Variants in CACNA1B observed in about 807,000 individuals in gnomAD.
CACNA1B encodes the protein calcium voltage-gated channel subunit alpha1 B.
A neutral mutation model predicts 247.2 loss-of-function variants in CACNA1B; 70 were observed. The ratio of observed to expected loss-of-function variants is 0.28; its 90% CI spans 0.23 to 0.35. CACNA1B has a LOEUF of 0.35. CACNA1B is among the 10% of genes least tolerant of loss of function. The pLI is 1.00. For missense variants in CACNA1B, 2,367 were observed against 3,197.4 expected (o/e 0.74, Z 6.26); for synonymous variants, 1,231 against 1,294.4 (o/e 0.95, Z 1.05).
chr9:137,994,246 G>C (rs1958469770), intron 15 of CACNA1B, among the ~76,000 whole-genome samples: 1 of 152,114 alleles, frequency 6.6e-6, no homozygotes, highest in Admixed American at 6.6e-5. Context: ...ACATAATACT[G>C]AACCAGTAAA....
intron 26 of CACNA1B, among the ~76,000 whole-genome samples, chr9:138,055,205 C>T (rs948292052): frequency 1.3e-5 from 2 of 151,186 alleles, no homozygotes; most frequent in African/African-American, 2.4e-5. Context: ...CAGCTTAATG[C>T]AGCCTCGAAC....
At chr9:138,119,199 C>G (rs1216807492) in intron 44 of CACNA1B, among the ~76,000 whole-genome samples, 6 of 152,148 alleles carry the variant, frequency 3.9e-5, no homozygotes, top group Admixed American at 3.3e-4. Flanking sequence ...GGAGGACCCT[C>G]CCTGCTCATG....
In CACNA1B at chr9:137,963,166, A is replaced by G. The variant is rs183426658; in HGVS notation, c.1333+5479A>G. On this transcript the variant is annotated intron_variant, in intron 10 of 46. Coordinates refer to ENST00000371372, the MANE Select transcript of CACNA1B (RefSeq NM_000718.4). ...TCATCATCTTTTTTGATCTTTGGTG[A>G]TTTAACGTCTGTTTTGTCAGAAACT... Among the ~76,000 whole-genome samples, 4 of 152,096 alleles carry G rather than the reference A, an allele frequency of 2.6e-5. No homozygotes were observed. The South Asian group carries it at 6.3e-4, about 24-fold the overall frequency.
intron 36 of CACNA1B, among the ~76,000 whole-genome samples, chr9:138,082,450 A>G (rs1186863104): frequency 6.6e-6 from 1 of 151,368 alleles, no homozygotes; most frequent in Non-Finnish European, 1.5e-5. Flanking sequence ...AGTGAGGTAC[A>G]GAAACAGTTG....
At chr9:138,060,866 G>GT (rs1346845219) in intron 31 of CACNA1B, among the ~76,000 whole-genome samples, 1 of 152,078 alleles carries the variant, frequency 6.6e-6, no homozygotes, top group Non-Finnish European at 1.5e-5. Context: ...TCATCATCCC[G>GT]TTCCCCCCAC....
chr9:138,040,670 G>A lies in CACNA1B; in HGVS notation c.3287-3104G>A, dbSNP rs775586233. ...AGCACGGGAGAAAGATATAGGCTGG[G>A]AGGTGAGGCCCGTTGTCTCCTTTTC... On this transcript the variant is annotated intron_variant, in intron 20 of 46. Coordinates refer to ENST00000371372, the MANE Select transcript of CACNA1B (RefSeq NM_000718.4). The A allele has an allele frequency of 1.9e-5, 5 of 267,482 alleles. No individual in the cohort carries two copies. In the Admixed American group the frequency reaches 1.9e-4, roughly 10 times the overall value. The allele number at this position is 267,482 out of a possible 1,614,324, so 16.6% of individuals were successfully genotyped here.
chr9:137,997,219 G>A (rs1323062705), intron 15 of CACNA1B, among the ~76,000 whole-genome samples: 3 of 152,174 alleles, frequency 2.0e-5, no homozygotes, highest in Non-Finnish European at 4.4e-5. Flanking sequence ...CTCTGTGTAT[G>A]CTTCAAATGT....
rs114920637 is a variant in CACNA1B at position 138,022,370 on chromosome 9, G to T, written c.2268-641G>T. Among the ~76,000 whole-genome samples the T allele has an allele frequency of 2.0e-5, 3 of 152,042 alleles. No homozygotes were observed. In the East Asian group the frequency reaches 5.8e-4, roughly 29 times the overall value. Reference sequence around the variant, plus strand: ...CTGACCACCTCGGGGACTGGCAGAGGCTCTGCGTTTGCTCCTGAAAGGGCC... The same window carrying T: ...CTGACCACCTCGGGGACTGGCAGAGTCTCTGCGTTTGCTCCTGAAAGGGCC... On this transcript the variant is annotated intron_variant, in intron 18 of 46. Transcript: ENST00000371372.
chr9:137,941,902 G>A (rs553969329), intron 6 of CACNA1B, among the ~76,000 whole-genome samples: 4 of 152,058 alleles, frequency 2.6e-5, no homozygotes, highest in Admixed American at 6.6e-5. Context: ...AAAAACCCTT[G>A]TAGACATTGG....
chr9:137,894,666 C>T (rs1227953954), intron 3 of CACNA1B, among the ~76,000 whole-genome samples: 1 of 152,154 alleles, frequency 6.6e-6, no homozygotes, highest in African/African-American at 2.4e-5. Flanking sequence ...CCTCGGCCTC[C>T]CAAAGTGCTG....
At chr9:137,992,122 A>T (rs1833092811) in intron 15 of CACNA1B, among the ~76,000 whole-genome samples, 1 of 152,232 alleles carries the variant, frequency 6.6e-6, no homozygotes, top group Non-Finnish European at 1.5e-5. Context: ...AATGACCTAA[A>T]TGCTCCACTT....
At position 138,052,314 on chromosome 9, in the gene CACNA1B, G is replaced by T; in HGVS notation, c.3807+126G>T. On this transcript the variant is annotated intron_variant, in intron 25 of 46. Coordinates refer to ENST00000371372, the MANE Select transcript of CACNA1B (RefSeq NM_000718.4). This position sits in a 1 kb window ranked among gnomAD's most constrained non-coding sequence, Gnocchi z 5.1. ...GTGTTCACATCACACCCCTGTGTGAGGGGGTTGGGCTCACTCAGCTGTAAG... is the reference window on the plus strand; with the variant it reads ...GTGTTCACATCACACCCCTGTGTGATGGGGTTGGGCTCACTCAGCTGTAAG... The T allele has an allele frequency of 1.6e-6, 1 of 623,334 alleles. No homozygotes were observed. The highest frequency in any genetic ancestry group is 1.8e-5 in the South Asian group (1 of 54,976). The allele number at this position is 623,334 out of a possible 1,614,324, so 38.6% of individuals were successfully genotyped here. A position where few individuals can be genotyped will look rare whatever the true frequency, so the allele number is the denominator to read the frequency against.
At position 138,010,193 on chromosome 9, in the gene CACNA1B, C is replaced by A; in HGVS notation, c.2160+116C>A. 1 of 759,764 alleles carries A rather than the reference C, an allele frequency of 1.3e-6. No homozygotes were observed. Among genetic ancestry groups the A allele is most frequent in the Non-Finnish European group, 2.3e-6 (1 of 443,538 alleles). The allele number at this position is 759,764 out of a possible 1,614,324, so 47.1% of individuals were successfully genotyped here. A position where few individuals can be genotyped will look rare whatever the true frequency, so the allele number is the denominator to read the frequency against. On this transcript the variant is annotated intron_variant, in intron 17 of 46. Transcript: ENST00000371372. The surrounding 1 kb of genome is among the most constrained non-coding windows in gnomAD (Gnocchi z 5.3). ...GTGTCCAGGAGCGTTGCCTTGGGTC[C>A]TGGCGGGCAGAGGCTGGTCTGTCAC...
rs1959213397 is a variant in CACNA1B, at chr9:138,049,479, C to T, written c.3710+164C>T. Among the ~76,000 whole-genome samples the T allele has an allele frequency of 2.0e-5, 3 of 152,078 alleles. No homozygotes were observed. The South Asian group carries it at 6.2e-4, about 32-fold the overall frequency. On this transcript the variant is annotated intron_variant, in intron 24 of 46. Coordinates refer to ENST00000371372, the MANE Select transcript of CACNA1B (RefSeq NM_000718.4). ...TCCCTGCCTGCTTGGGGCGGGGCTG[C>T]GTGGGGTTAGGAGGGCATGAGGTCT...
At chr9:137,983,346 G>C (rs774045395) in intron 12 of CACNA1B, among the ~76,000 whole-genome samples, 6 of 152,104 alleles carry the variant, frequency 3.9e-5, no homozygotes, top group Non-Finnish European at 8.8e-5. Context: ...ATTCAGTTTG[G>C]GGCCCCTTGC....
At chr9:138,071,595 G>T (rs1277356082) in intron 32 of CACNA1B, among the ~76,000 whole-genome samples, 1 of 152,182 alleles carries the variant, frequency 6.6e-6, no homozygotes. Flanking sequence ...CAGGAGCCCC[G>T]AGAGAAGCCA....
Position 137,954,494 on chromosome 9 carries a change from G to A in CACNA1B, c.1071-1204G>A. On this transcript the variant is annotated intron_variant, in intron 7 of 46. Transcript: ENST00000371372. This position sits in a 1 kb window ranked among gnomAD's most constrained non-coding sequence, Gnocchi z 4.1. ...GAGAAGCAGCTGCTCTGTGGAGGGG[G>A]CCAGACTGCTGGGGGGAGTTGCTGC... 6.6e-6 allele frequency among the ~76,000 whole-genome samples: 1 copy of A among 152,192 alleles called. No homozygotes were observed. Among genetic ancestry groups the A allele is most frequent in the East Asian group, 1.9e-4 (1 of 5,184 alleles).
chr9:138,107,069 C>A (rs1961452532), intron 39 of CACNA1B, among the ~76,000 whole-genome samples: 1 of 152,052 alleles, frequency 6.6e-6, no homozygotes, highest in African/African-American at 2.4e-5. Flanking sequence ...ATGGAATGTT[C>A]TCTCTACACT....
chr9:138,076,468 G>A (rs575308329), intron 35 of CACNA1B, among the ~76,000 whole-genome samples: 9 of 152,288 alleles, frequency 5.9e-5, no homozygotes, highest in South Asian at 2.1e-4. Flanking sequence ...GGGAGCTGCC[G>A]TTCCCTGGGC....
Sources: allele counts gnomAD v4.1 joint callset (sites outside exome capture counted in the v4.1 genomes callset), GRCh38; gene constraint gnomAD v4.1.1; non-coding constraint Gnocchi (gnomAD v3.1); transcripts MANE v1.5; gene names NCBI Gene and HGNC (gene_info 2026-07-23, HGNC 2026-07-21).